ADAMTS20: variants seen among roughly 807,000 people sequenced by gnomAD.
ADAMTS20 encodes the protein A disintegrin and metalloproteinase with thrombospondin motifs 20.
A neutral mutation model predicts 260.1 loss-of-function variants in ADAMTS20; 225 were observed. The ratio of observed to expected loss-of-function variants is 0.87; its 90% CI spans 0.78 to 0.97. The LOEUF is 0.97. Among genes scored for constraint, ADAMTS20 ranks in the 50% least tolerant of loss-of-function variants. The probability of loss-of-function intolerance (pLI) is 0.00; values close to 1 mark genes in which losing one functional copy is unlikely to be tolerated. For synonymous variants in ADAMTS20, 802 were observed against 769.5 expected (o/e 1.04, Z -0.70); for missense variants, 2,400 against 2,337.7 (o/e 1.03, Z -0.55).
intron 4 of ADAMTS20, among the ~76,000 whole-genome samples, chr12:43,499,169 G>A (rs1465484862): frequency 6.6e-6 from 1 of 152,098 alleles, no homozygotes; most frequent in Admixed American, 6.5e-5. Context: ...CTTATATTTG[G>A]AATGCACACC....
intron 2 of ADAMTS20, among the ~76,000 whole-genome samples, chr12:43,541,401 G>A (rs1022020076): frequency 3.3e-5 from 5 of 152,118 alleles, no homozygotes; most frequent in African/African-American, 1.2e-4. Context: ...GTGTGTTTAA[G>A]TGATATTAAT....
At chr12:43,404,163 CAG>C (rs1461657316) in intron 28 of ADAMTS20, among the ~76,000 whole-genome samples, 1 of 144,262 alleles carries the variant, frequency 6.9e-6, no homozygotes, top group Non-Finnish European at 1.5e-5. Context: ...CTGCTGAGAA[CAG>C]ACATATTGTG....
chr12:43,453,381 T>C (rs915755324), intron 12 of ADAMTS20, among the ~76,000 whole-genome samples: 13 of 152,286 alleles, frequency 8.5e-5, no homozygotes, highest in African/African-American at 3.1e-4. Flanking sequence ...TAATGCAATA[T>C]CTAAGCCCTT....
At chr12:43,537,353 C>A (rs1348025118) in intron 2 of ADAMTS20, among the ~76,000 whole-genome samples, 1 of 151,950 alleles carries the variant, frequency 6.6e-6, no homozygotes, top group Non-Finnish European at 1.5e-5. Context: ...CCACACCCGG[C>A]CCTTACTTTT....
intron 3 of ADAMTS20, among the ~76,000 whole-genome samples, chr12:43,515,957 T>C (rs1192172379): frequency 6.6e-6 from 1 of 152,058 alleles, no homozygotes; most frequent in Non-Finnish European, 1.5e-5. Context: ...CCAAGAAAAA[T>C]CTAGTATCTG....
chr12:43,465,717 A>G (rs1049594234), intron 9 of ADAMTS20, among the ~76,000 whole-genome samples: 2 of 152,098 alleles, frequency 1.3e-5, no homozygotes, highest in Admixed American at 6.5e-5. Context: ...TACATGTCAC[A>G]TCAGTATTTT....
In ADAMTS20 at chr12:43,551,464, C is replaced by G. The variant is rs542527925; in HGVS notation, c.92-194G>C. Reference sequence around the variant, plus strand: ...ACGGTTAGTGCTCTGCTTTCCCACACCCCCAACTTGCCCTACCCTCCCCAA... The same window carrying G: ...ACGGTTAGTGCTCTGCTTTCCCACAGCCCCAACTTGCCCTACCCTCCCCAA... On this transcript the variant is annotated intron_variant, in intron 1 of 38. Transcript: ENST00000389420. This position sits in a 1 kb window ranked among gnomAD's most constrained non-coding sequence, Gnocchi z 4.6. Among the ~76,000 whole-genome samples, 14 of 152,232 alleles carry G rather than the reference C, an allele frequency of 9.2e-5. No homozygotes were observed. The highest frequency in any genetic ancestry group is 4.6e-4 in the Admixed American group (7 of 15,292).
At chr12:43,499,948 T>A (rs1433301757) in intron 4 of ADAMTS20, among the ~76,000 whole-genome samples, 1 of 152,174 alleles carries the variant, frequency 6.6e-6, no homozygotes, top group Non-Finnish European at 1.5e-5. Context: ...CTGACAATAG[T>A]TATCTGTCAT....
chr12:43,378,326 T>C (rs1940274786), intron 31 of ADAMTS20, among the ~76,000 whole-genome samples: 2 of 152,208 alleles, frequency 1.3e-5, no homozygotes. Context: ...AGTGTGTACA[T>C]ACCTGTGAGG....
chr12:43,358,956 A>C (rs2137181825), intron 37 of ADAMTS20, among the ~76,000 whole-genome samples: 1 of 152,082 alleles, frequency 6.6e-6, no homozygotes, highest in East Asian at 1.9e-4. Flanking sequence ...TAAGTGTGTT[A>C]ATTCCAATAC....
intron 12 of ADAMTS20, 79 bp from the exon 13 acceptor site, chr12:43,452,774 T>G: frequency 7.5e-7 from 1 of 1,328,082 alleles, no homozygotes; most frequent in South Asian, 1.6e-5. Flanking sequence ...TCCATTCTTT[T>G]CCAGGATCTA....
chr12:43,517,105 C>T (rs1943009316), intron 3 of ADAMTS20, among the ~76,000 whole-genome samples: 1 of 151,988 alleles, frequency 6.6e-6, no homozygotes, highest in South Asian at 2.1e-4. Context: ...CGACAACAAA[C>T]ATTATATGTA....
intron 14 of ADAMTS20, among the ~76,000 whole-genome samples, chr12:43,447,171 G>T (rs1263848347): frequency 6.8e-6 from 1 of 147,424 alleles, no homozygotes; most frequent in Non-Finnish European, 1.5e-5. Context: ...CCAAAACCTG[G>T]CAGAGACACG....
intron 16 of ADAMTS20, among the ~76,000 whole-genome samples, chr12:43,442,854 G>A (rs1052646017): frequency 1.3e-4 from 20 of 152,084 alleles, no homozygotes; most frequent in Admixed American, 2.6e-4. Flanking sequence ...ACAGTTCAAT[G>A]GCATTTAGTA....
rs376861554 is a variant in ADAMTS20, at chr12:43,440,069, G to A, written c.2291C>T (p.Ala764Val). 9 of 1,547,864 alleles carry A rather than the reference G, an allele frequency of 5.8e-6. No homozygotes were observed. Among genetic ancestry groups the A allele is most frequent in the African/African-American group, 1.4e-5 (1 of 72,974 alleles). Residue 764 changes from alanine (A) to valine (V), a missense_variant and splice_region_variant, in exon 17 of 39, where the codon GCA (alanine) becomes GTA (valine). Transcript: ENST00000389420. The stretch of plus-strand genomic sequence containing the variant: ...AAAATTCCCTTCAGCGTCAGATAAT[G>A]CTGTAAAAGAATAAAGCATAACTCA... ...YSGQPDDSYLALSDAEGNFLF... is the reference protein window; with the variant it reads ...YSGQPDDSYLVLSDAEGNFLF...
rs1312797828 is a variant in ADAMTS20, at chr12:43,439,788, T to C, written c.2464-37A>G. On this transcript the variant is annotated intron_variant, in intron 17 of 38. Transcript: ENST00000389420. ...TATAAAAGAACATACAATTAATACA[T>C]AAAAATATATTCTTGACATCATTTT... is the stretch of plus-strand genomic sequence containing the variant. The C allele has an allele frequency of 3.2e-6, 5 of 1,571,446 alleles. No individual in the cohort carries two copies. In the Admixed American group the frequency reaches 7.3e-5, roughly 23 times the overall value.
chr12:43,466,859 C>G, intron 8 of ADAMTS20, 64 bp from the exon 9 acceptor site: 1 of 1,193,662 alleles, frequency 8.4e-7, no homozygotes. Context: ...AGTAATAGAT[C>G]CTTTATAGTC....
At chr12:43,485,200 A>G (rs1942505163) in intron 7 of ADAMTS20, among the ~76,000 whole-genome samples, 2 of 152,042 alleles carry the variant, frequency 1.3e-5, no homozygotes, top group Admixed American at 1.3e-4. Context: ...AGCAAACTGA[A>G]GAGTGCATCG....
intron 16 of ADAMTS20, among the ~76,000 whole-genome samples, chr12:43,440,969 G>A (rs1229600602): frequency 6.6e-6 from 1 of 151,930 alleles, no homozygotes; most frequent in African/African-American, 2.4e-5. Flanking sequence ...GGAGGCTGAG[G>A]CAGGAGAATG....
Sources: gnomAD v4.1 joint callset for allele counts (sites outside exome capture counted in the v4.1 genomes callset) on GRCh38, gnomAD v4.1.1 for gene constraint, Gnocchi (gnomAD v3.1) non-coding constraint, MANE v1.5 for transcripts, NCBI Gene and HGNC (gene_info 2026-07-23, HGNC 2026-07-21) for gene names.